The following ZBTB7C variants were observed in gnomAD, a reference collection of about 807,000 sequenced individuals.
ZBTB7C encodes zinc finger and BTB domain-containing protein 7C.
A neutral mutation model predicts 25.7 loss-of-function variants in ZBTB7C; 8 were observed. The ratio of observed to expected loss-of-function variants is 0.31; its 90% CI spans 0.18 to 0.56. ZBTB7C has a LOEUF of 0.56. Ranked by LOEUF, ZBTB7C falls within the 20% of genes least tolerant of loss-of-function variation. The probability of loss-of-function intolerance (pLI) is 0.91; values close to 1 mark genes in which losing one functional copy is unlikely to be tolerated. For missense variants in ZBTB7C, 824 were observed against 855.2 expected (o/e 0.96, Z 0.46); for synonymous variants, 394 against 369.0 (o/e 1.07, Z -0.78).
intron 3 of ZBTB7C, among the ~76,000 whole-genome samples, chr18:48,069,117 G>A (rs1216075078): frequency 1.3e-5 from 2 of 152,212 alleles, no homozygotes; most frequent in East Asian, 3.9e-4. Flanking sequence ...GCGCAGCCAG[G>A]GCAGGGCACA....
intron 1 of ZBTB7C, among the ~76,000 whole-genome samples, chr18:48,399,487 G>A (rs1471906858): frequency 6.6e-6 from 1 of 152,226 alleles, no homozygotes; most frequent in Non-Finnish European, 1.5e-5. Flanking sequence ...GTTAGCTGCA[G>A]GAGAAAAATT....
At chr18:48,068,985 G>A (rs1200010039) in intron 3 of ZBTB7C, among the ~76,000 whole-genome samples, 1 of 152,202 alleles carries the variant, frequency 6.6e-6, no homozygotes, top group African/African-American at 2.4e-5. Context: ...GGAGCTCAGG[G>A]AGTGAGATGA....
rs759540036 is a variant in ZBTB7C, at chr18:48,098,756, AG to A, written c.-16-57634del. On this transcript the variant is annotated intron_variant, in intron 3 of 4. Coordinates refer to ENST00000590800, the MANE Select transcript of ZBTB7C (RefSeq NM_001318841.2). ...TGGCTCAGGGATGGACATGTGACATAGGACAGCCAATCAGGCTCAAGCACAG... is the reference window on the plus strand; with the variant it reads ...TGGCTCAGGGATGGACATGTGACATAGACAGCCAATCAGGCTCAAGCACAG... Among the ~76,000 whole-genome samples the A allele has an allele frequency of 1.1e-3, 163 of 152,354 alleles. 1 individual carries two copies. Among genetic ancestry groups the A allele is most frequent in the Non-Finnish European group, 2.1e-3 (140 of 68,038 alleles).
intron 3 of ZBTB7C, among the ~76,000 whole-genome samples, chr18:48,104,939 C>T (rs2038977391): frequency 6.6e-6 from 1 of 152,220 alleles, no homozygotes; most frequent in Non-Finnish European, 1.5e-5. Context: ...CCACACCCAG[C>T]TGTTTCAGGA....
At chr18:48,061,607 G>A (rs1229726193) in intron 3 of ZBTB7C, among the ~76,000 whole-genome samples, 1 of 152,194 alleles carries the variant, frequency 6.6e-6, no homozygotes, top group Non-Finnish European at 1.5e-5. Flanking sequence ...GATTGGAATC[G>A]ATTCAACACA....
intron 1 of ZBTB7C, among the ~76,000 whole-genome samples, chr18:48,404,419 AG>A (rs1476248773): frequency 3.9e-5 from 6 of 152,190 alleles, no homozygotes; most frequent in Non-Finnish European, 7.3e-5. Context: ...CAGGGAGTGA[AG>A]GGGAGGTCAG....
At chr18:48,258,457 T>C (rs1368571998) in intron 2 of ZBTB7C, among the ~76,000 whole-genome samples, 2 of 152,226 alleles carry the variant, frequency 1.3e-5, no homozygotes, top group African/African-American at 4.8e-5. Context: ...TAAGAAAAGC[T>C]ACTGACAGTA....
chr18:48,100,538 C>G (rs1212573560), intron 3 of ZBTB7C, among the ~76,000 whole-genome samples: 2 of 152,084 alleles, frequency 1.3e-5, no homozygotes, highest in Non-Finnish European at 2.9e-5. Flanking sequence ...ATAAGACCAG[C>G]CTTCAGAGTA....
chr18:48,205,991 G>A (rs1466770709), intron 2 of ZBTB7C, among the ~76,000 whole-genome samples: 4 of 152,174 alleles, frequency 2.6e-5, no homozygotes, highest in Non-Finnish European at 5.9e-5. Context: ...AATGAGAATT[G>A]CCAGTGGGCC....
chr18:48,368,170 A>T (rs2047295147), intron 1 of ZBTB7C, among the ~76,000 whole-genome samples: 1 of 151,704 alleles, frequency 6.6e-6, no homozygotes, highest in South Asian at 2.1e-4. Context: ...ATATTAAAGT[A>T]GGCATCACAA....
intron 3 of ZBTB7C, among the ~76,000 whole-genome samples, chr18:48,129,901 C>T (rs1001424975): frequency 2.0e-5 from 3 of 152,140 alleles, no homozygotes; most frequent in Admixed American, 1.3e-4. Context: ...CTCAGATCTC[C>T]GAATAAACCG....
intron 2 of ZBTB7C, among the ~76,000 whole-genome samples, chr18:48,298,984 C>T (rs1008035875): frequency 3.3e-5 from 5 of 152,154 alleles, no homozygotes; most frequent in East Asian, 1.9e-4. Flanking sequence ...GGCCCTCCTA[C>T]GTAGCCTCAC....
intron 3 of ZBTB7C, among the ~76,000 whole-genome samples, chr18:48,071,245 G>A (rs1019140132): frequency 6.6e-6 from 1 of 152,182 alleles, no homozygotes; most frequent in Non-Finnish European, 1.5e-5. Flanking sequence ...ACATAATGAT[G>A]ACATTAGAGT....
chr18:48,204,971 A>G (rs2145218732), intron 2 of ZBTB7C, among the ~76,000 whole-genome samples: 1 of 152,304 alleles, frequency 6.6e-6, no homozygotes, highest in Non-Finnish European at 1.5e-5. Flanking sequence ...AGGTACAGTG[A>G]GAATAAAAAA....
At position 48,342,255 on chromosome 18, in the gene ZBTB7C, T is replaced by C. The variant is rs2046620425; in HGVS notation, c.-303-3857A>G. On this transcript the variant is annotated intron_variant, in intron 1 of 4. Coordinates refer to ENST00000590800, the MANE Select transcript of ZBTB7C (RefSeq NM_001318841.2). ...TGCTGCCCACTCAGAAGCTGCCCAC[T>C]CAAAGGCAGCACATGTGACTGCACC... 1.3e-5 allele frequency among the ~76,000 whole-genome samples: 2 copies of C among 152,326 alleles called. 1 individual carries two copies. Among genetic ancestry groups the C allele is most frequent in the Middle Eastern group, 6.8e-3 (2 of 294 alleles).
intron 2 of ZBTB7C, among the ~76,000 whole-genome samples, chr18:48,246,387 A>G (rs1452390365): frequency 6.6e-6 from 1 of 151,898 alleles, no homozygotes; most frequent in Non-Finnish European, 1.5e-5. Context: ...CTGAGATCAC[A>G]CCACTGCACT....
intron 2 of ZBTB7C, among the ~76,000 whole-genome samples, chr18:48,239,562 C>T (rs2043469464): frequency 6.6e-6 from 1 of 152,180 alleles, no homozygotes; most frequent in East Asian, 1.9e-4. Context: ...CAGACACTCT[C>T]CAGTACAGCT....
intron 2 of ZBTB7C, among the ~76,000 whole-genome samples, chr18:48,231,533 C>T (rs2043251932): frequency 6.6e-6 from 1 of 152,200 alleles, no homozygotes; most frequent in Non-Finnish European, 1.5e-5. Context: ...AGAGGAACTA[C>T]ACGCTGTGGG....
intron 2 of ZBTB7C, among the ~76,000 whole-genome samples, chr18:48,270,689 CAAA>C (rs35344797): frequency 4.5e-5 from 4 of 88,274 alleles, no homozygotes; most frequent in Non-Finnish European, 6.8e-5. Flanking sequence ...GACTCTGTCT[CAAA>C]AAAAAAAAAA....
Sources: allele counts gnomAD v4.1 joint callset (sites outside exome capture counted in the v4.1 genomes callset), GRCh38; gene constraint gnomAD v4.1.1; transcripts MANE v1.5; gene names NCBI Gene and HGNC (gene_info 2026-07-23, HGNC 2026-07-21).